The following TFAP2D variants were observed in gnomAD, a reference collection of about 807,000 sequenced individuals.
TFAP2D encodes transcription factor AP-2 delta, also known as transcription factor AP-2-delta.
In TFAP2D, 9 loss-of-function variants were observed where a neutral mutation model predicts 43.6. The ratio of observed to expected loss-of-function variants is 0.21; its 90% CI spans 0.12 to 0.36. The LOEUF (loss-of-function observed/expected upper bound fraction) is 0.36. Ranked by LOEUF, TFAP2D falls within the 10% of genes least tolerant of loss-of-function variation. The pLI is 1.00. For missense variants in TFAP2D, 513 were observed against 561.4 expected (o/e 0.91, Z 0.87); for synonymous variants, 256 against 224.9 (o/e 1.14, Z -1.24).
intron 7 of TFAP2D, among the ~76,000 whole-genome samples, chr6:50,770,478 C>T (rs1769511500): frequency 6.6e-6 from 1 of 151,912 alleles, no homozygotes; most frequent in Non-Finnish European, 1.5e-5. Context: ...ATGGTAACAA[C>T]CTATGGAATA....
At chr6:50,772,355 C>T (rs1297543601) in intron 7 of TFAP2D, among the ~76,000 whole-genome samples, 1 of 152,028 alleles carries the variant, frequency 6.6e-6, no homozygotes, top group African/African-American at 2.4e-5. Flanking sequence ...CAAACCTGCA[C>T]GTTGTGCACA....
chr6:50,757,325 GAT>G (rs1247490172), intron 7 of TFAP2D, among the ~76,000 whole-genome samples: 2 of 135,344 alleles, frequency 1.5e-5, no homozygotes, highest in African/African-American at 5.5e-5. Context: ...ATTCTCTATA[GAT>G]ATATATATCT....
chr6:50,717,153 T>C (rs575743982), intron 2 of TFAP2D, among the ~76,000 whole-genome samples: 2 of 152,364 alleles, frequency 1.3e-5, no homozygotes, highest in South Asian at 4.1e-4. Context: ...TTTTTTTGTA[T>C]CTGTACAAAT....
chr6:50,745,762 G>A (rs1769117057), intron 6 of TFAP2D, among the ~76,000 whole-genome samples: 1 of 151,866 alleles, frequency 6.6e-6, no homozygotes, highest in Non-Finnish European at 1.5e-5. Context: ...AATCATCCTT[G>A]TACTGCCTCA....
At chr6:50,763,049 C>T (rs140813057) in intron 7 of TFAP2D, among the ~76,000 whole-genome samples, 43 of 152,090 alleles carry the variant, frequency 2.8e-4, no homozygotes, top group Admixed American at 1.5e-3. Flanking sequence ...TAGTATATTG[C>T]GACACTAATT....
chr6:50,742,426 A>G (rs1736643490), intron 5 of TFAP2D, among the ~76,000 whole-genome samples: 1 of 152,096 alleles, frequency 6.6e-6, no homozygotes, highest in Non-Finnish European at 1.5e-5. Context: ...GATCCGCAGG[A>G]ATCAGGTTTT....
At chr6:50,735,615 C>A (rs921925189) in intron 5 of TFAP2D, among the ~76,000 whole-genome samples, 1 of 152,064 alleles carries the variant, frequency 6.6e-6, no homozygotes, top group Non-Finnish European at 1.5e-5. Flanking sequence ...GATGCCAGTT[C>A]ATTAAGTTAT....
At chr6:50,736,710 C>G (rs1768967938) in intron 5 of TFAP2D, among the ~76,000 whole-genome samples, 1 of 152,086 alleles carries the variant, frequency 6.6e-6, no homozygotes, top group Non-Finnish European at 1.5e-5. Context: ...ATATACGTCA[C>G]TGTGTTTGAC....
chr6:50,766,112 T>A (rs944633386), intron 7 of TFAP2D, among the ~76,000 whole-genome samples: 1 of 152,226 alleles, frequency 6.6e-6, no homozygotes, highest in African/African-American at 2.4e-5. Flanking sequence ...GAACCATTTA[T>A]TGAAGAGACC....
chr6:50,749,253 C>T (rs761185208), intron 6 of TFAP2D, among the ~76,000 whole-genome samples: 2 of 151,666 alleles, frequency 1.3e-5, no homozygotes, highest in African/African-American at 4.8e-5. Context: ...TTTTCCACCT[C>T]TTTAGCTTTC....
intron 3 of TFAP2D, 58 bp from the exon 4 acceptor site, chr6:50,728,798 T>C: frequency 1.3e-6 from 2 of 1,540,778 alleles, no homozygotes; most frequent in Non-Finnish European, 1.8e-6. Flanking sequence ...TAACTGCCTC[T>C]CATGCAGTTA....
At chr6:50,744,382 T>C (rs927622218) in intron 5 of TFAP2D, among the ~76,000 whole-genome samples, 8 of 152,180 alleles carry the variant, frequency 5.3e-5, no homozygotes, top group Non-Finnish European at 1.0e-4. Context: ...ATTCTGTTTC[T>C]GGCTGCATAG....
At chr6:50,731,377 C>T (rs986280270) in intron 5 of TFAP2D, among the ~76,000 whole-genome samples, 1 of 151,798 alleles carries the variant, frequency 6.6e-6, no homozygotes, top group African/African-American at 2.4e-5. Context: ...CCTTAGAAAA[C>T]AGATTTAGAG....
intron 5 of TFAP2D, among the ~76,000 whole-genome samples, chr6:50,740,194 T>G (rs1769020588): frequency 6.6e-6 from 1 of 152,220 alleles, no homozygotes; most frequent in African/African-American, 2.4e-5. Flanking sequence ...AATATATGAC[T>G]GGAGTTTAAC....
intron 1 of TFAP2D, among the ~76,000 whole-genome samples, chr6:50,714,881 AT>A (rs901985063): frequency 2.7e-5 from 4 of 150,724 alleles, no homozygotes; most frequent in South Asian, 2.1e-4. Context: ...AGGGTGGGGG[AT>A]TTTTTTTCCG....
intron 7 of TFAP2D, among the ~76,000 whole-genome samples, chr6:50,760,891 G>C (rs931702693): frequency 6.6e-6 from 1 of 151,242 alleles, no homozygotes; most frequent in Non-Finnish European, 1.5e-5. Flanking sequence ...TGTTGTTGTT[G>C]AGGGTCTGTT....
chr6:50,764,541 A>T (rs2113893791), intron 7 of TFAP2D, among the ~76,000 whole-genome samples: 1 of 152,326 alleles, frequency 6.6e-6, no homozygotes, highest in East Asian at 1.9e-4. Flanking sequence ...AACTACATTT[A>T]TATCCCTTTA....
In TFAP2D at chr6:50,751,292, C is replaced by A. The variant is rs747592412; in HGVS notation, c.1107C>A (p.Asp369Glu). Residue 369 changes from aspartate (D) to glutamate (E), a missense_variant, in exon 7 of 8, where the codon GAC becomes GAA. Coordinates refer to ENST00000008391, the MANE Select transcript of TFAP2D (RefSeq NM_172238.4). ...LGSSRPTPIL[D>E]LDIQRHLTHF... is the part of the protein sequence containing the mutation. ...CCTCCAGACCCACTCCAATTCTAGA[C>A]CTTGACATCCAGAGACATTTAACAC... The A allele has an allele frequency of 5.6e-6, 9 of 1,611,272 alleles. No homozygotes were observed. Among genetic ancestry groups the A allele is most frequent in the Non-Finnish European group, 6.8e-6 (8 of 1,178,152 alleles).
chr6:50,758,687 T>C (rs988308962), intron 7 of TFAP2D, among the ~76,000 whole-genome samples: 3 of 152,076 alleles, frequency 2.0e-5, no homozygotes, highest in African/African-American at 7.2e-5. Context: ...GTGCATAGTT[T>C]TTGTTTTTTG....
Sources: allele counts gnomAD v4.1 joint callset (sites outside exome capture counted in the v4.1 genomes callset), GRCh38; gene constraint gnomAD v4.1.1; transcripts MANE v1.5; gene names NCBI Gene and HGNC (gene_info 2026-07-23, HGNC 2026-07-21).